The following AFDN variants were observed in gnomAD, a reference collection of about 807,000 sequenced individuals.
The protein encoded by AFDN is afadin, adherens junction formation factor.
AFDN carries 68 observed loss-of-function variants against 216.6 expected under a neutral mutation model. The ratio of observed to expected loss-of-function variants is 0.31; its 90% CI spans 0.26 to 0.38. The LOEUF (loss-of-function observed/expected upper bound fraction) is 0.38. Among genes scored for constraint, AFDN ranks in the 10% least tolerant of loss-of-function variants. The pLI is 1.00. For synonymous variants in AFDN, 868 were observed against 853.7 expected (o/e 1.02, Z -0.29); for missense variants, 2,136 against 2,342.0 (o/e 0.91, Z 1.82).
At chr6:167,935,375 A>C (rs1254307120) in intron 23 of AFDN, among the ~76,000 whole-genome samples, 1 of 152,226 alleles carries the variant, frequency 6.6e-6, no homozygotes, top group African/African-American at 2.4e-5. Flanking sequence ...ATTGAAGGGC[A>C]CAAAGGCTGG....
At chr6:167,881,116 C>T (rs1786047487) in intron 6 of AFDN, among the ~76,000 whole-genome samples, 1 of 152,106 alleles carries the variant, frequency 6.6e-6, no homozygotes, top group African/African-American at 2.4e-5. Flanking sequence ...TCTTTATTTA[C>T]TTAGTGCTTT....
intron 31 of AFDN, chr6:167,963,679 A>T (rs79225378): frequency 9.4e-6 from 10 of 1,060,660 alleles, no homozygotes; most frequent in Non-Finnish European, 9.1e-6. Context: ...TAAGTTTATC[A>T]TCATATTATC....
intron 11 of AFDN, among the ~76,000 whole-genome samples, chr6:167,900,243 G>T (rs1028069515): frequency 6.6e-6 from 1 of 152,208 alleles, no homozygotes; most frequent in Non-Finnish European, 1.5e-5. Flanking sequence ...GATTGTGACA[G>T]ATTCTGGCTA....
At chr6:167,845,018 C>T (rs760314697) in intron 1 of AFDN, among the ~76,000 whole-genome samples, 2 of 151,876 alleles carry the variant, frequency 1.3e-5, no homozygotes, top group South Asian at 2.1e-4. Context: ...TGCCACCATG[C>T]CCAGCTAATT....
intron 29 of AFDN, among the ~76,000 whole-genome samples, chr6:167,950,888 A>G (rs1286494389): frequency 2.7e-5 from 4 of 146,820 alleles, no homozygotes; most frequent in African/African-American, 1.0e-4. Flanking sequence ...TTTAGTCGAG[A>G]CAGAGACTAT....
intron 1 of AFDN, among the ~76,000 whole-genome samples, chr6:167,835,117 A>T (rs970905789): frequency 3.9e-5 from 6 of 152,238 alleles, no homozygotes; most frequent in African/African-American, 1.4e-4. Flanking sequence ...AATGTTGATA[A>T]ATTTCCTTAA....
At chr6:167,845,144 G>A (rs1449391785) in intron 1 of AFDN, among the ~76,000 whole-genome samples, 2 of 152,142 alleles carry the variant, frequency 1.3e-5, no homozygotes, top group East Asian at 1.9e-4. Context: ...TTACAGACAC[G>A]AGCCACTGCA....
chr6:167,854,412 T>A (rs1782669631), intron 1 of AFDN, among the ~76,000 whole-genome samples: 1 of 152,080 alleles, frequency 6.6e-6, no homozygotes, highest in South Asian at 2.1e-4. Context: ...TTACCTATTG[T>A]GTGCTTTTTG....
Position 167,893,856 on chromosome 6 carries a change from C to T in AFDN, c.1178-6C>T, listed in dbSNP as rs768339961. 1.3e-6 allele frequency: 2 copies of T among 1,583,994 alleles called. No homozygotes were observed. Among genetic ancestry groups the T allele is most frequent in the African/African-American group, 1.3e-5 (1 of 74,708 alleles). On this transcript the variant is annotated splice_region_variant and splice_polypyrimidine_tract_variant and intron_variant, in intron 8 of 33. Coordinates refer to ENST00000683244, the MANE Select transcript of AFDN (RefSeq NM_001386888.1). Reference sequence around the variant, plus strand: ...ACCTGGGTCCTGGCATGTGTCTTAACCCCAGGGAGAAGGAATCACTTTGCC... The same window carrying T: ...ACCTGGGTCCTGGCATGTGTCTTAATCCCAGGGAGAAGGAATCACTTTGCC...
rs530824161 is a variant in AFDN, at chr6:167,829,661, T to C, written c.105+2424T>C. Among the ~76,000 whole-genome samples, 11 of 152,188 alleles carry C rather than the reference T, an allele frequency of 7.2e-5. No homozygotes were observed. In the South Asian group the frequency reaches 2.1e-3, roughly 29 times the overall value. On this transcript the variant is annotated intron_variant, in intron 1 of 33. Transcript: ENST00000683244. Reference sequence around the variant, plus strand: ...CTTTTTATGTGTATGAGAGTATAGTTGTGGGTTTTCTTTTGTTGTTTTTTT... The same window carrying C: ...CTTTTTATGTGTATGAGAGTATAGTCGTGGGTTTTCTTTTGTTGTTTTTTT...
Position 167,915,356 on chromosome 6 carries a change from T to C in AFDN, c.2488T>C (p.Leu830=). The C allele has an allele frequency of 1.2e-6, 2 of 1,614,226 alleles. No homozygotes were observed. The highest frequency in any genetic ancestry group is 8.5e-7 in the Non-Finnish European group (1 of 1,180,032). ...HYWGAIIRQQ[L]GHIEAWAEKQ... ...CTGGGGTGCGATTATCCGTCAGCAG[T>C]TGGGCCATATTGAAGCCTGGGCTGA... The change falls in exon 19 of 34, where the codon TTG becomes CTG. Residue 830 remains leucine, a synonymous_variant. Transcript: ENST00000683244.
intron 4 of AFDN, among the ~76,000 whole-genome samples, chr6:167,874,911 A>G (rs1044202223): frequency 3.9e-5 from 6 of 152,340 alleles, no homozygotes; most frequent in Admixed American, 3.9e-4. Context: ...CATCATGCCC[A>G]GCCTAAATTT....
chr6:167,844,850 T>TTTTC (rs927026154), intron 1 of AFDN, among the ~76,000 whole-genome samples: 1 of 66,050 alleles, frequency 1.5e-5, no homozygotes, highest in African/African-American at 4.1e-5. Flanking sequence ...TTTTCTTTTC[T>TTTTC]TTTTTTTTTT....
intron 16 of AFDN, 57 bp from the exon 17 acceptor site, chr6:167,914,111 T>C (rs1790748839): frequency 3.2e-6 from 5 of 1,586,280 alleles, no homozygotes; most frequent in Non-Finnish European, 4.3e-6. Context: ...CATTCCTTTA[T>C]ATTTTTATTA....
chr6:167,875,339 A>G lies in AFDN; in HGVS notation c.583A>G (p.Asn195Asp). ...TGGTATTTTTTTTTCTTACAGTGAA[A>G]ATTCTCGACTGGCTGCTGAGGTTTA... ...DRPFQGEDVENSRLAAEVYKD... is the reference protein window; with the variant it reads ...DRPFQGEDVEDSRLAAEVYKD... The change falls in exon 5 of 34, where the codon AAT becomes GAT. Residue 195 changes from asparagine to aspartate, a missense_variant. Coordinates refer to ENST00000683244, the MANE Select transcript of AFDN (RefSeq NM_001386888.1). 1 of 1,602,392 alleles carries G rather than the reference A, an allele frequency of 6.2e-7. No homozygotes were observed. Among genetic ancestry groups the G allele is most frequent in the Non-Finnish European group, 8.5e-7 (1 of 1,176,960 alleles).
intron 1 of AFDN, among the ~76,000 whole-genome samples, chr6:167,835,803 G>T (rs536058722): frequency 4.6e-5 from 7 of 152,204 alleles, no homozygotes; most frequent in Non-Finnish European, 8.8e-5. Flanking sequence ...TGACCTGAAA[G>T]GGTCTCAGAG....
chr6:167,927,065 G>C (rs1347552600), intron 23 of AFDN, among the ~76,000 whole-genome samples: 1 of 152,098 alleles, frequency 6.6e-6, no homozygotes, highest in Non-Finnish European at 1.5e-5. Context: ...AGGAAAATTT[G>C]TTATCCATAA....
intron 21 of AFDN, among the ~76,000 whole-genome samples, chr6:167,921,610 G>A (rs894023328): frequency 4.6e-5 from 7 of 152,098 alleles, no homozygotes; most frequent in African/African-American, 1.4e-4. Flanking sequence ...CATTCCGTAA[G>A]CTAATAAAGC....
chr6:167,844,780 G>A (rs1196864232), intron 1 of AFDN, among the ~76,000 whole-genome samples: 4 of 150,850 alleles, frequency 2.7e-5, no homozygotes, highest in Non-Finnish European at 4.4e-5. Context: ...CAGGTAAAAA[G>A]TAATGTGTCA....
Sources: gnomAD v4.1 joint callset for allele counts (sites outside exome capture counted in the v4.1 genomes callset) on GRCh38, gnomAD v4.1.1 for gene constraint, MANE v1.5 for transcripts, NCBI Gene and HGNC (gene_info 2026-07-23, HGNC 2026-07-21) for gene names.